FANCM: variants seen among roughly 807,000 people sequenced by gnomAD.
FANCM encodes the protein FA complementation group M.
Under a neutral mutation model 199.5 loss-of-function variants are expected in FANCM, and 140 were observed. The observed-to-expected ratio is 0.70, with a 90% CI of 0.61 to 0.81. The LOEUF (loss-of-function observed/expected upper bound fraction) is 0.81, where lower values mean the gene tolerates loss of function less well. Among genes scored for constraint, FANCM ranks in the 30% least tolerant of loss-of-function variants. FANCM has a pLI of 0.00. For synonymous variants in FANCM, 840 were observed against 836.8 expected, an observed-to-expected ratio of 1.00 and a Z score of -0.07; for missense variants, 2,410 against 2,421.4, an observed-to-expected ratio of 1.00 and a Z score of 0.10.
intron 17 of FANCM, among the ~76,000 whole-genome samples, chr14:45,185,009 T>C (rs1403606981): frequency 1.3e-5 from 2 of 151,884 alleles, no homozygotes; most frequent in Non-Finnish European, 2.9e-5. Context: ...CTTGAACTCC[T>C]GACCTCAGGT....
chr14:45,199,594 C>T (rs1890251365), intron 22 of FANCM, among the ~76,000 whole-genome samples: 1 of 152,182 alleles, frequency 6.6e-6, no homozygotes, highest in African/African-American at 2.4e-5. Flanking sequence ...CTTCCAAATA[C>T]CATCACATTG....
rs1890072677 is a variant in FANCM at position 45,196,559 on chromosome 14, T to G, written c.5716+12T>G. ...CAGAGAAAAAACAGGTTTGTATTTTTAAATATCTTTGTTTATAAGACTGTA... is the reference window on the plus strand; with the variant it reads ...CAGAGAAAAAACAGGTTTGTATTTTGAAATATCTTTGTTTATAAGACTGTA... On this transcript the variant is annotated intron_variant, in intron 21 of 22. Coordinates refer to ENST00000267430, the MANE Select transcript of FANCM (RefSeq NM_020937.4). The G allele has an allele frequency of 1.9e-6, 3 of 1,610,762 alleles. No individual in the cohort carries two copies. The highest frequency in any genetic ancestry group is 2.5e-6 in the Non-Finnish European group (3 of 1,179,060).
intron 20 of FANCM, among the ~76,000 whole-genome samples, chr14:45,190,351 A>G (rs1889687540): frequency 6.6e-6 from 1 of 152,214 alleles, no homozygotes; most frequent in African/African-American, 2.4e-5. Context: ...AATTGTATAT[A>G]TTTACCAAGT....
At chr14:45,140,515 C>A in intron 2 of FANCM, 117 bp from the exon 3 acceptor site, 1 of 703,854 alleles carries the variant, frequency 1.4e-6, no homozygotes. Flanking sequence ...CTCACTAGAC[C>A]ATCAATATAC....
At chr14:45,143,135 G>C (rs898751488) in intron 3 of FANCM, among the ~76,000 whole-genome samples, 4 of 150,800 alleles carry the variant, frequency 2.7e-5, no homozygotes, top group Admixed American at 6.6e-5. Context: ...TGTCTGTTAG[G>C]AGCTCCTTCA....
chr14:45,186,478 C>A (rs372476356), intron 18 of FANCM, among the ~76,000 whole-genome samples: 2 of 152,186 alleles, frequency 1.3e-5, no homozygotes, highest in South Asian at 2.1e-4. Flanking sequence ...GTATTCTAAT[C>A]TTTCACAGAT....
intron 12 of FANCM, among the ~76,000 whole-genome samples, chr14:45,172,653 T>C (rs113763974): frequency 0.013 from 2,001 of 152,312 alleles, 59 homozygotes; most frequent in African/African-American, 0.046. Context: ...TTAAATTTGA[T>C]GTTATTGTTT....
At chr14:45,196,627 G>C in intron 21 of FANCM, 80 bp downstream of exon 21, 1 of 1,392,588 alleles carries the variant, frequency 7.2e-7, no homozygotes, top group Non-Finnish European at 1.0e-6. Context: ...CTATTATTAG[G>C]ATGTGGGAAA....
intron 11 of FANCM, among the ~76,000 whole-genome samples, chr14:45,169,128 G>A (rs1888174656): frequency 6.6e-6 from 1 of 151,650 alleles, no homozygotes; most frequent in Admixed American, 6.6e-5. Flanking sequence ...CTCCGTGTTG[G>A]CCAGGCTGGT....
intron 1 of FANCM, 115 bp downstream of exon 1, chr14:45,136,654 C>A: frequency 9.7e-7 from 1 of 1,030,674 alleles, no homozygotes; most frequent in Non-Finnish European, 1.5e-6. Flanking sequence ...ACATTCTCTA[C>A]TTGCAGCAAG....
At chr14:45,148,760 A>G (rs1594766590) in intron 3 of FANCM, 77 bp from the exon 4 acceptor site, 1 of 941,754 alleles carries the variant, frequency 1.1e-6, no homozygotes, top group Non-Finnish European at 1.7e-6. Context: ...TTTTACTGCT[A>G]TTTTATTTCT....
intron 20 of FANCM, among the ~76,000 whole-genome samples, chr14:45,195,106 CAG>C (rs2139315651): frequency 6.6e-6 from 1 of 152,338 alleles, no homozygotes; most frequent in South Asian, 2.1e-4. Context: ...ACCTCATTAA[CAG>C]AGAATATTGT....
chr14:45,152,033 T>G (rs1886857318), intron 5 of FANCM, among the ~76,000 whole-genome samples: 1 of 117,314 alleles, frequency 8.5e-6, no homozygotes, highest in Non-Finnish European at 1.9e-5. Context: ...TAACTTTTTC[T>G]TTTTTTTTTT....
At chr14:45,167,377 A>C (rs1888060152) in intron 11 of FANCM, 1 of 536,256 alleles carries the variant, frequency 1.9e-6, no homozygotes, top group Non-Finnish European at 3.3e-6. Flanking sequence ...GTTGGGGAAA[A>C]TTAAACATAC....
chr14:45,191,805 T>G (rs1424439523), intron 20 of FANCM, among the ~76,000 whole-genome samples: 1 of 152,154 alleles, frequency 6.6e-6, no homozygotes, highest in Non-Finnish European at 1.5e-5. Context: ...TACTAATATT[T>G]GCATTGTCAT....
intron 16 of FANCM, among the ~76,000 whole-genome samples, chr14:45,182,803 T>C (rs1436589790): frequency 6.6e-6 from 1 of 152,206 alleles, no homozygotes; most frequent in Non-Finnish European, 1.5e-5. Context: ...AAAATGCATT[T>C]AATACACCTA....
chr14:45,176,375 A>G lies in FANCM; in HGVS notation c.3621A>G (p.Arg1207=). 6.2e-7 allele frequency: 1 copy of G among 1,613,036 alleles called. No individual in the cohort carries two copies. The highest frequency in any genetic ancestry group is 1.7e-5 in the Admixed American group (1 of 60,022). ...DANSFKSRDQ[R]GVQEEKVKNH... ...ATAGTTTTAAATCTCGTGATCAGAGAGGTGTACAGGAAGAAAAAGTGAAGA... is the reference window on the plus strand; with the variant it reads ...ATAGTTTTAAATCTCGTGATCAGAGGGGTGTACAGGAAGAAAAAGTGAAGA... Residue 1207 remains arginine (R), a synonymous_variant, in exon 14 of 23, where the codon AGA becomes AGG. Transcript: ENST00000267430.
At chr14:45,173,629 T>A (rs1390461404) in intron 13 of FANCM, among the ~76,000 whole-genome samples, 11 of 152,212 alleles carry the variant, frequency 7.2e-5, no homozygotes, top group Admixed American at 7.2e-4. Context: ...GAACCAATTA[T>A]GAGTGTGAAA....
intron 22 of FANCM, 74 bp downstream of exon 22, chr14:45,199,009 T>TA: frequency 1.6e-6 from 2 of 1,215,514 alleles, no homozygotes; most frequent in African/African-American, 1.5e-5. Flanking sequence ...AGTTTAATGT[T>TA]AAAAAAATTT....
Sources: gnomAD v4.1 joint callset for allele counts (sites outside exome capture counted in the v4.1 genomes callset) on GRCh38, gnomAD v4.1.1 for gene constraint, MANE v1.5 for transcripts, NCBI Gene and HGNC (gene_info 2026-07-23, HGNC 2026-07-21) for gene names.